Variants in CASZ1 observed in about 807,000 individuals in gnomAD.
CASZ1 encodes the protein castor zinc finger 1.
CASZ1 carries 28 observed loss-of-function variants against 135.2 expected under a neutral mutation model. The observed-to-expected ratio is 0.21, with a 90% CI of 0.15 to 0.28. CASZ1 has a LOEUF of 0.28. CASZ1 is among the 10% of genes least tolerant of loss of function. The pLI is 1.00. For missense variants in CASZ1, 2,161 were observed against 2,453.3 expected (o/e 0.88, Z 2.52); for synonymous variants, 1,068 against 1,073.4 (o/e 0.99, Z 0.10).
At chr1:10,775,364 T>G (rs2100601123) in intron 1 of CASZ1, among the ~76,000 whole-genome samples, 1 of 152,262 alleles carries the variant, frequency 6.6e-6, no homozygotes, top group East Asian at 1.9e-4. Context: ...CGACTTGATT[T>G]TTTTTTTTCT....
intron 4 of CASZ1, among the ~76,000 whole-genome samples, chr1:10,688,427 T>C (rs929953673): frequency 5.3e-5 from 8 of 152,104 alleles, no homozygotes; most frequent in African/African-American, 1.9e-4. Flanking sequence ...AGTTCTGCTC[T>C]TGGAGGGAGG....
intron 2 of CASZ1, among the ~76,000 whole-genome samples, chr1:10,729,629 A>G (rs1002890707): frequency 1.1e-4 from 16 of 152,286 alleles, no homozygotes; most frequent in African/African-American, 3.4e-4. Flanking sequence ...GAGGCCATAA[A>G]GTCCCCATAG....
intron 1 of CASZ1, among the ~76,000 whole-genome samples, chr1:10,786,206 G>A (rs1640856412): frequency 1.3e-5 from 2 of 151,990 alleles, no homozygotes; most frequent in South Asian, 4.2e-4. Context: ...GTCCCAAACA[G>A]CTCCCATGAT....
chr1:10,690,918 A>G (rs1638746085), intron 4 of CASZ1, among the ~76,000 whole-genome samples: 1 of 152,170 alleles, frequency 6.6e-6, no homozygotes, highest in Non-Finnish European at 1.5e-5. Flanking sequence ...CCTGGGAATC[A>G]GCCTGGTGGG....
chr1:10,691,011 G>A (rs113907642), intron 4 of CASZ1, among the ~76,000 whole-genome samples: 3 of 133,582 alleles, frequency 2.2e-5, no homozygotes, highest in South Asian at 2.3e-4. Context: ...CCCCCTTCCC[G>A]CTCCCTCCCC....
At chr1:10,640,683 G>A (rs1436275005) in intron 20 of CASZ1, among the ~76,000 whole-genome samples, 3 of 152,200 alleles carry the variant, frequency 2.0e-5, no homozygotes, top group Non-Finnish European at 4.4e-5. Flanking sequence ...CAAGGGCTGG[G>A]AGAGGGCAGC....
At chr1:10,685,387 G>T (rs1000997940) in intron 4 of CASZ1, among the ~76,000 whole-genome samples, 1 of 152,192 alleles carries the variant, frequency 6.6e-6, no homozygotes, top group Non-Finnish European at 1.5e-5. Flanking sequence ...CGGCAGCTGG[G>T]GCCTCGGTAG....
At chr1:10,750,249 C>T (rs1007334187) in intron 2 of CASZ1, among the ~76,000 whole-genome samples, 2 of 152,160 alleles carry the variant, frequency 1.3e-5, no homozygotes, top group Non-Finnish European at 2.9e-5. Flanking sequence ...GCTAGTGACG[C>T]TGCTTTGCTT....
rs1638861570 is a variant in CASZ1, at chr1:10,694,226, C to T, written c.-23-314G>A. 2 of 619,826 alleles carry T rather than the reference C, an allele frequency of 3.2e-6. No homozygotes were observed. The highest frequency in any genetic ancestry group is 4.0e-6 in the Non-Finnish European group (2 of 497,144). 38.4% of individuals were successfully genotyped at this position (619,826 alleles called of 1,614,324 possible). ...CCAGGGGCGCCCCCGTCCCGCCGAC[C>T]GCGCCCCGCGCCCGGGTCGCCGCCC... On this transcript the variant is annotated intron_variant, in intron 3 of 20. Transcript: ENST00000377022. This position sits in a 1 kb window ranked among gnomAD's most constrained non-coding sequence, Gnocchi z 6.6.
intron 4 of CASZ1, among the ~76,000 whole-genome samples, chr1:10,671,200 G>C (rs1367227894): frequency 6.6e-6 from 1 of 152,208 alleles, no homozygotes; most frequent in Non-Finnish European, 1.5e-5. Context: ...CACCGCACAG[G>C]CTGGCTATCA....
chr1:10,672,876 G>T (rs566585920), intron 4 of CASZ1, among the ~76,000 whole-genome samples: 2 of 152,210 alleles, frequency 1.3e-5, no homozygotes, highest in African/African-American at 4.8e-5. Flanking sequence ...TTCCACGTCC[G>T]CCTCCTTTGG....
At position 10,720,781 on chromosome 1, in the gene CASZ1, T is replaced by C. The variant is rs1343328773; in HGVS notation, c.-76-15237A>G. On this transcript the variant is annotated intron_variant, in intron 2 of 20. Coordinates refer to ENST00000377022, the MANE Select transcript of CASZ1 (RefSeq NM_001079843.3). This position sits in a 1 kb window ranked among gnomAD's most constrained non-coding sequence, Gnocchi z 5.7. Reference sequence around the variant, plus strand: ...CCAAGGTCAGAGAGTGGGGAGGAAGTGGACGCCGGTGGGTGAGCTGAGGGA... The same window carrying C: ...CCAAGGTCAGAGAGTGGGGAGGAAGCGGACGCCGGTGGGTGAGCTGAGGGA... Among the ~76,000 whole-genome samples, 1 of 151,930 alleles carries C rather than the reference T, an allele frequency of 6.6e-6. No homozygotes were observed. Among genetic ancestry groups the C allele is most frequent in the African/African-American group, 2.4e-5 (1 of 41,360 alleles).
At chr1:10,746,499 G>C (rs1479101913) in intron 2 of CASZ1, among the ~76,000 whole-genome samples, 1 of 152,232 alleles carries the variant, frequency 6.6e-6, no homozygotes, top group Non-Finnish European at 1.5e-5. Flanking sequence ...GTCTGCGCGG[G>C]ATCCCTTCTG....
intron 2 of CASZ1, among the ~76,000 whole-genome samples, chr1:10,743,830 G>T (rs1414643157): frequency 1.4e-5 from 2 of 147,244 alleles, no homozygotes; most frequent in Admixed American, 6.8e-5. Context: ...AGAGCAAGAA[G>T]CGAGGGAAAT....
At chr1:10,770,372 G>A (rs1016878472) in intron 1 of CASZ1, among the ~76,000 whole-genome samples, 1 of 152,138 alleles carries the variant, frequency 6.6e-6, no homozygotes. Flanking sequence ...GGTGTGAGCT[G>A]TCGAACCTGG....
chr1:10,645,283 C>G (rs1353300883), intron 17 of CASZ1, among the ~76,000 whole-genome samples, 195 bp from the exon 18 acceptor site: 1 of 152,228 alleles, frequency 6.6e-6, no homozygotes, highest in Middle Eastern at 3.2e-3. Flanking sequence ...ATAATCCCAG[C>G]GCTTTGGGAG....
intron 1 of CASZ1, among the ~76,000 whole-genome samples, chr1:10,763,139 G>A (rs1490836783): frequency 2.6e-5 from 4 of 152,244 alleles, no homozygotes; most frequent in South Asian, 2.1e-4. Context: ...CACAGGCCGC[G>A]GGGCCTTCCA....
chr1:10,718,274 C>A (rs537752194), intron 2 of CASZ1, among the ~76,000 whole-genome samples: 1 of 152,276 alleles, frequency 6.6e-6, no homozygotes, highest in South Asian at 2.1e-4. Context: ...CCTGTGTCCC[C>A]GTGCCCACTC....
chr1:10,680,737 A>G (rs1638388389), intron 4 of CASZ1, among the ~76,000 whole-genome samples: 1 of 152,152 alleles, frequency 6.6e-6, no homozygotes, highest in South Asian at 2.1e-4. Flanking sequence ...TCCTCCATGC[A>G]GGTCTGAAGC....
Sources: allele counts gnomAD v4.1 joint callset (sites outside exome capture counted in the v4.1 genomes callset), GRCh38; gene constraint gnomAD v4.1.1; non-coding constraint Gnocchi (gnomAD v3.1); transcripts MANE v1.5; gene names NCBI Gene and HGNC (gene_info 2026-07-23, HGNC 2026-07-21).